Variants in MYH16 observed in about 807,000 individuals in gnomAD.
The protein encoded by MYH16 is myosin heavy chain 16, also known as putative uncharacterized protein MYH16.
chr7:99,290,290 C>T (rs1203497436), intron 30 of MYH16, among the ~76,000 whole-genome samples: 1 of 151,728 alleles, frequency 6.6e-6, no homozygotes, highest in Non-Finnish European at 1.5e-5. Context: ...TTGAGACCAG[C>T]CTGGGCAACA....
At chr7:99,263,881 G>T (rs1791963127) in intron 14 of MYH16, among the ~76,000 whole-genome samples, 1 of 152,184 alleles carries the variant, frequency 6.6e-6, no homozygotes, top group South Asian at 2.1e-4. Flanking sequence ...GCCCCATAGG[G>T]TTGCCAATTA....
At chr7:99,299,340 GTTT>G (rs1792553958) in intron 36 of MYH16, 123 bp from the exon 18 acceptor site, 1 of 152,120 alleles carries the variant, frequency 6.6e-6, no homozygotes, top group South Asian at 2.1e-4. Flanking sequence ...CTTTTTAAGG[GTTT>G]GTTTAATTTC....
At chr7:99,296,778 T>A (rs998521018) in exon 34 of MYH16, 1 of 456,360 alleles carries the variant, frequency 2.2e-6, no homozygotes, top group Non-Finnish European at 4.4e-6. Context: ...AGCAGAAGTG[T>A]GAGGAGTTGC....
chr7:99,240,699 C>T (rs530462590), intron 1 of MYH16, among the ~76,000 whole-genome samples: 1 of 152,026 alleles, frequency 6.6e-6, no homozygotes, highest in Non-Finnish European at 1.5e-5. Flanking sequence ...AAAAATTAGC[C>T]AGGTGTGGTG....
exon 1 of MYH16, chr7:99,238,971 G>C (rs1360861298): frequency 1.3e-5 from 2 of 152,732 alleles, no homozygotes; most frequent in African/African-American, 4.8e-5. Flanking sequence ...GAGAAGGAAG[G>C]CTTCGTCGCT....
At chr7:99,266,562 A>G (rs1392369455) in intron 17 of MYH16, among the ~76,000 whole-genome samples, 1 of 152,116 alleles carries the variant, frequency 6.6e-6, no homozygotes, top group African/African-American at 2.4e-5. Flanking sequence ...TGTCTGGATC[A>G]ATGCCCTTTT....
chr7:99,260,189 T>A, exon 12 of MYH16: 1 of 1,609,978 alleles, frequency 6.2e-7, no homozygotes, highest in Non-Finnish European at 8.5e-7. Context: ...CAGCTATGCA[T>A]CAACTTCACC....
intron 1 of MYH16, among the ~76,000 whole-genome samples, chr7:99,239,960 A>T (rs945614007): frequency 1.3e-5 from 2 of 151,990 alleles, no homozygotes; most frequent in Admixed American, 1.3e-4. Flanking sequence ...AGACAGGAGG[A>T]TTACTTGGGC....
exon 27 of MYH16, chr7:99,285,431 G>A (rs1344930248): frequency 4.4e-6 from 2 of 456,640 alleles, no homozygotes; most frequent in Admixed American, 2.3e-5. Context: ...AGGGCCATGA[G>A]AGCCAAGGTA....
intron 35 of MYH16, 27 bp downstream of exon 16, chr7:99,297,823 A>T (rs1792524725): frequency 4.4e-6 from 2 of 456,712 alleles, no homozygotes; most frequent in Non-Finnish European, 8.8e-6. Flanking sequence ...CACCTTGGGG[A>T]CTGTGGACCC....
intron 40 of MYH16, among the ~76,000 whole-genome samples, chr7:99,305,297 TTCCC>T (rs1163252518): frequency 6.6e-6 from 1 of 152,120 alleles, no homozygotes; most frequent in African/African-American, 2.4e-5. Flanking sequence ...CCTCTCCTCT[TTCCC>T]TCCCTGTCAC....
At chr7:99,262,948 C>A (rs755290241) in intron 13 of MYH16, among the ~76,000 whole-genome samples, 1 of 152,180 alleles carries the variant, frequency 6.6e-6, no homozygotes, top group Non-Finnish European at 1.5e-5. Flanking sequence ...AGACAGCAAA[C>A]CACTGGGCAG....
intron 18 of MYH16, among the ~76,000 whole-genome samples, chr7:99,270,422 C>T (rs1205343670): frequency 1.3e-5 from 2 of 150,244 alleles, no homozygotes; most frequent in Non-Finnish European, 1.5e-5. Context: ...CCCGGGTTCA[C>T]GCCATTCTCC....
At chr7:99,277,465 G>T (rs577328463) in intron 20 of MYH16, 74 bp from the exon 3 acceptor site, 1 of 396,584 alleles carries the variant, frequency 2.5e-6, no homozygotes, top group Non-Finnish European at 5.1e-6. Flanking sequence ...CTGAGGCAGA[G>T]ACTCCACAGC....
At chr7:99,289,728 G>C (rs551552276) in intron 30 of MYH16, among the ~76,000 whole-genome samples, 1 of 152,142 alleles carries the variant, frequency 6.6e-6, no homozygotes, top group Admixed American at 6.5e-5. Context: ...ATGTGTCAAC[G>C]ATTTATTTAA....
intron 8 of MYH16, among the ~76,000 whole-genome samples, chr7:99,254,561 C>G (rs1217153912): frequency 6.6e-6 from 1 of 152,212 alleles, no homozygotes; most frequent in Non-Finnish European, 1.5e-5. Context: ...TTGGTAGACA[C>G]AGCCCACACC....
intron 5 of MYH16, among the ~76,000 whole-genome samples, chr7:99,250,407 C>T (rs1314615146): frequency 1.3e-5 from 2 of 152,104 alleles, no homozygotes; most frequent in African/African-American, 4.8e-5. Flanking sequence ...CCCAGGGGCA[C>T]AAAAAGCCTT....
At chr7:99,243,088 T>C (rs1405410914) in intron 1 of MYH16, among the ~76,000 whole-genome samples, 1 of 152,206 alleles carries the variant, frequency 6.6e-6, no homozygotes, top group Admixed American at 6.6e-5. Context: ...GAGGAGGCAG[T>C]TGAAGCTGCA....
intron 38 of MYH16, among the ~76,000 whole-genome samples, chr7:99,302,339 CA>C (rs1792611274): frequency 6.8e-6 from 1 of 147,950 alleles, no homozygotes; most frequent in Non-Finnish European, 1.5e-5. Flanking sequence ...CACACACACA[CA>C]CACACACACA....
Sources: allele counts gnomAD v4.1 joint callset (sites outside exome capture counted in the v4.1 genomes callset), GRCh38; gene constraint gnomAD v4.1.1; transcripts MANE v1.5; gene names NCBI Gene and HGNC (gene_info 2026-07-23, HGNC 2026-07-21).